Variants in RUFY3 observed in about 807,000 individuals in gnomAD.
RUFY3 encodes the protein protein RUFY3.
In RUFY3, 34 loss-of-function variants were observed where a neutral mutation model predicts 84.0. The observed-to-expected ratio is 0.40, with a 90% CI of 0.31 to 0.54. The LOEUF (loss-of-function observed/expected upper bound fraction) is 0.54. Among genes scored for constraint, RUFY3 ranks in the 20% least tolerant of loss-of-function variants. The pLI is 0.39. For missense variants in RUFY3, 507 were observed against 736.8 expected (o/e 0.69, Z 3.61); for synonymous variants, 242 against 252.9 (o/e 0.96, Z 0.41).
Position 70,783,085 on chromosome 4 carries a change from C to T in RUFY3, c.895-6C>T. The stretch of plus-strand genomic sequence containing the variant: ...TAAAAGATTATTTTTAAAATTTTAT[C>T]CACAGCTTGCAGTTGCAAACAACAG... On this transcript the variant is annotated splice_polypyrimidine_tract_variant and splice_region_variant and intron_variant, in intron 8 of 17. Transcript: ENST00000381006. The T allele has an allele frequency of 1.3e-6, 2 of 1,564,444 alleles. No individual in the cohort carries two copies. The highest frequency in any genetic ancestry group is 1.2e-5 in the South Asian group (1 of 85,648).
intron 1 of RUFY3, among the ~76,000 whole-genome samples, chr4:70,710,460 C>T (rs1740851189): frequency 1.3e-5 from 2 of 151,970 alleles, no homozygotes; most frequent in African/African-American, 2.4e-5. Flanking sequence ...CACCTGAGGT[C>T]GGGAGTTCGA....
chr4:70,716,092 T>A (rs570092891), intron 1 of RUFY3, among the ~76,000 whole-genome samples: 19 of 151,904 alleles, frequency 1.3e-4, no homozygotes, highest in Middle Eastern at 3.4e-3. Context: ...CCAGCCTGGG[T>A]GACAGAGTGA....
In RUFY3 at chr4:70,808,326, G is replaced by A. The variant is rs1242066258; in HGVS notation, c.*1667G>A. On this transcript the variant is annotated 3_prime_UTR_variant, in exon 18 of 18. Transcript: ENST00000381006. ...GTAACAAACTCTTTGGGGGAAAAGAGGGAAGTGTATTGAGCAAGAGAAGGC... is the reference window on the plus strand; with the variant it reads ...GTAACAAACTCTTTGGGGGAAAAGAAGGAAGTGTATTGAGCAAGAGAAGGC... 6.6e-6 allele frequency among the ~76,000 whole-genome samples: 1 copy of A among 152,166 alleles called. No individual in the cohort carries two copies. The highest frequency in any genetic ancestry group is 2.4e-5 in the African/African-American group (1 of 41,428).
chr4:70,753,051 T>A (rs1330530986), intron 1 of RUFY3, among the ~76,000 whole-genome samples: 1 of 150,294 alleles, frequency 6.7e-6, no homozygotes, highest in African/African-American at 2.4e-5. Flanking sequence ...GCTATTTTTT[T>A]ATTATTATTA....
intron 12 of RUFY3, chr4:70,792,091 AG>A: frequency 1.0e-6 from 1 of 985,746 alleles, no homozygotes; most frequent in Non-Finnish European, 1.2e-6. Context: ...TAGGCAGTTC[AG>A]AGAGAACAAT....
At chr4:70,765,209 G>GTGGGTATATATA (rs144995233) in intron 4 of RUFY3, among the ~76,000 whole-genome samples, 1 of 137,210 alleles carries the variant, frequency 7.3e-6, no homozygotes, top group African/African-American at 2.7e-5. Context: ...AAAAAAATGT[G>GTGGGTATATATA]TATATATATA....
intron 12 of RUFY3, chr4:70,791,670 G>T: frequency 9.7e-7 from 1 of 1,028,364 alleles, no homozygotes; most frequent in Non-Finnish European, 1.2e-6. Flanking sequence ...GATTCTCGGT[G>T]CATTGTTCAT....
intron 1 of RUFY3, among the ~76,000 whole-genome samples, chr4:70,754,369 T>G (rs199531516): frequency 6.6e-6 from 1 of 152,274 alleles, no homozygotes; most frequent in East Asian, 1.9e-4. Flanking sequence ...TTTTTTTGAC[T>G]AACCCCTTTA....
At chr4:70,759,745 T>C (rs1578115392) in intron 1 of RUFY3, among the ~76,000 whole-genome samples, 2 of 152,312 alleles carry the variant, frequency 1.3e-5, no homozygotes, top group East Asian at 3.9e-4. Flanking sequence ...TAAGCTCTTA[T>C]CTCTAACAAT....
chr4:70,705,756 C>T (rs1011579675), intron 1 of RUFY3, among the ~76,000 whole-genome samples: 2 of 152,162 alleles, frequency 1.3e-5, no homozygotes, highest in African/African-American at 4.8e-5. Flanking sequence ...TTCGGGCTCC[C>T]GGCGCCGCGG....
At chr4:70,757,137 GT>G (rs1724163251) in intron 1 of RUFY3, among the ~76,000 whole-genome samples, 1 of 151,806 alleles carries the variant, frequency 6.6e-6, no homozygotes, top group Non-Finnish European at 1.5e-5. Flanking sequence ...GCCGGGCATG[GT>G]TGCACACACC....
At chr4:70,707,255 T>A (rs1447168417) in intron 1 of RUFY3, among the ~76,000 whole-genome samples, 2 of 152,202 alleles carry the variant, frequency 1.3e-5, no homozygotes, top group Non-Finnish European at 2.9e-5. Context: ...TACTAGCAAA[T>A]GTATGGTGTT....
intron 1 of RUFY3, among the ~76,000 whole-genome samples, chr4:70,729,235 C>T (rs1448922813): frequency 6.6e-6 from 1 of 152,062 alleles, no homozygotes; most frequent in Non-Finnish European, 1.5e-5. Context: ...TGACGTTGCA[C>T]AAGTGATCAC....
rs140113262 is a variant in RUFY3, at chr4:70,762,405, A to T, written c.179-114A>T. 1,139 of 879,522 alleles carry T rather than the reference A, an allele frequency of 1.3e-3. 9 individuals carry two copies. The East Asian group carries it at 0.022, about 17-fold the overall frequency. 54.5% of individuals were successfully genotyped at this position (879,522 alleles called of 1,614,324 possible). ...TTCATTGAGGATATTCTTAAAGGAA[A>T]CTGGCATTTTTTTTCACAGTGAGTA... is the stretch of plus-strand genomic sequence containing the variant. On this transcript the variant is annotated intron_variant, in intron 1 of 17. Coordinates refer to ENST00000381006, the MANE Select transcript of RUFY3 (RefSeq NM_001037442.4).
intron 7 of RUFY3, 47 bp downstream of exon 7, chr4:70,775,280 A>G: frequency 8.0e-7 from 1 of 1,244,488 alleles, no homozygotes; most frequent in Non-Finnish European, 1.2e-6. Context: ...TTGTTGAAGG[A>G]GAAGGGAAGA....
chr4:70,717,682 T>C (rs1560440805), upstream of RUFY3, among the ~76,000 whole-genome samples: 1 of 151,950 alleles, frequency 6.6e-6, no homozygotes, highest in Non-Finnish European at 1.5e-5. Flanking sequence ...GATAGAGTGC[T>C]GAAGTTGCAG....
upstream of RUFY3, among the ~76,000 whole-genome samples, chr4:70,717,910 TCTTA>T: frequency 7.7e-6 from 1 of 129,908 alleles, no homozygotes; most frequent in South Asian, 2.4e-4. Context: ...TGAGACAGAG[TCTTA>T]CACTGTTGCC....
chr4:70,744,795 C>T (rs1452837236), intron 1 of RUFY3, among the ~76,000 whole-genome samples: 1 of 151,712 alleles, frequency 6.6e-6, no homozygotes, highest in Non-Finnish European at 1.5e-5. Context: ...GCTGGGACTA[C>T]AGGCACATGC....
intron 15 of RUFY3, among the ~76,000 whole-genome samples, chr4:70,801,434 G>A (rs1406585092): frequency 2.0e-5 from 3 of 152,128 alleles, no homozygotes; most frequent in African/African-American, 7.2e-5. Flanking sequence ...TTGACAAAGA[G>A]GCCAGGGATG....
Sources: gnomAD v4.1 joint callset for allele counts (sites outside exome capture counted in the v4.1 genomes callset) on GRCh38, gnomAD v4.1.1 for gene constraint, MANE v1.5 for transcripts, NCBI Gene and HGNC (gene_info 2026-07-23, HGNC 2026-07-21) for gene names.